Variants in ATP2B4 observed in about 807,000 individuals in gnomAD.
ATP2B4 encodes the protein ATPase plasma membrane Ca2+ transporting 4.
A neutral mutation model predicts 110.3 loss-of-function variants in ATP2B4; 39 were observed. The observed-to-expected ratio is 0.35, with a 90% CI of 0.27 to 0.46. The LOEUF (loss-of-function observed/expected upper bound fraction) is 0.46. Ranked by LOEUF, ATP2B4 falls within the 20% of genes least tolerant of loss-of-function variation. The pLI is 1.00. For missense variants in ATP2B4, 1,135 were observed against 1,530.9 expected (o/e 0.74, Z 4.32); for synonymous variants, 538 against 571.7 (o/e 0.94, Z 0.84).
chr1:203,638,001 G>T (rs1663509058), intron 1 of ATP2B4, among the ~76,000 whole-genome samples: 1 of 152,218 alleles, frequency 6.6e-6, no homozygotes, highest in Admixed American at 6.5e-5. Flanking sequence ...ATGGCTGGGG[G>T]CTGAAGGGGT....
At chr1:203,710,312 G>T (rs1423952447) in intron 11 of ATP2B4, among the ~76,000 whole-genome samples, 1 of 152,038 alleles carries the variant, frequency 6.6e-6, no homozygotes, top group Admixed American at 6.6e-5. Flanking sequence ...AGAGGTTGCA[G>T]TGAGCTGAGA....
intron 1 of ATP2B4, among the ~76,000 whole-genome samples, chr1:203,649,999 G>A (rs373649960): frequency 6.6e-6 from 1 of 152,142 alleles, no homozygotes; most frequent in African/African-American, 2.4e-5. Flanking sequence ...ACTTGTAGAC[G>A]CTGTAATAGC....
Position 203,660,806 on chromosome 1 carries a change from A to G in ATP2B4, c.-464-21936A>G, listed in dbSNP as rs367631711. 2.0e-5 allele frequency among the ~76,000 whole-genome samples: 3 copies of G among 151,516 alleles called. 1 individual carries two copies. In the South Asian group the frequency reaches 6.3e-4, roughly 32 times the overall value. On this transcript the variant is annotated intron_variant, in intron 1 of 20. Coordinates refer to ENST00000357681, the MANE Select transcript of ATP2B4 (RefSeq NM_001684.5). ...GTGAGACTCTGTCTCAAAAAAATAA[A>G]TAAATAAGAAGAAGAGCACAGGGAC...
At position 203,722,492 on chromosome 1, in the gene ATP2B4, G is replaced by A. The variant is rs1245862582; in HGVS notation, c.2827G>A (p.Asp943Asn). The A allele has an allele frequency of 6.2e-7, 1 of 1,613,486 alleles. No homozygotes were observed. The highest frequency in any genetic ancestry group is 8.5e-7 in the Non-Finnish European group (1 of 1,179,510). ...ILVFAGEKFF[D>N]IDSGRKAPLH... ...CTCCCCACTAGGTGAGAAATTCTTT[G>A]ATATTGATAGTGGGAGGAAGGCACC... The change falls in exon 18 of 21, where the codon GAT becomes AAT. Residue 943 changes from aspartate (D) to asparagine (N), a missense_variant. By Grantham distance (23) the Asp-to-Asn change is conservative (BLOSUM62 1). Transcript: ENST00000357681.
At chr1:203,727,120 G>A (rs1429085462) in intron 19 of ATP2B4, among the ~76,000 whole-genome samples, 2 of 152,226 alleles carry the variant, frequency 1.3e-5, no homozygotes, top group South Asian at 2.1e-4. Flanking sequence ...GGAAAATGAA[G>A]TATATGACCA....
chr1:203,695,752 T>A (rs1665515451), intron 2 of ATP2B4, among the ~76,000 whole-genome samples: 2 of 132,578 alleles, frequency 1.5e-5, no homozygotes, highest in Admixed American at 8.4e-5. Flanking sequence ...GACAGATGAG[T>A]ATCTTATGTA....
At chr1:203,672,082 C>T (rs904547971) in intron 1 of ATP2B4, among the ~76,000 whole-genome samples, 6 of 152,160 alleles carry the variant, frequency 3.9e-5, no homozygotes, top group Admixed American at 1.3e-4. Flanking sequence ...GTCTCTTATC[C>T]GTAATATAAG....
In ATP2B4 at chr1:203,732,606, G is replaced by C. The variant is rs531947120; in HGVS notation, c.3309+5035G>C. Among the ~76,000 whole-genome samples the C allele has an allele frequency of 3.3e-5, 5 of 152,120 alleles. No homozygotes were observed. In the South Asian group the frequency reaches 1.0e-3, roughly 32 times the overall value. On this transcript the variant is annotated intron_variant, in intron 20 of 20. Coordinates refer to ENST00000357681, the MANE Select transcript of ATP2B4 (RefSeq NM_001684.5). ...TTTAAACACATGAGTTATTTTCCTGGAAAATCCGCAAAAATACGTAGTCGG... is the reference window on the plus strand; with the variant it reads ...TTTAAACACATGAGTTATTTTCCTGCAAAATCCGCAAAAATACGTAGTCGG...
At position 203,722,169 on chromosome 1, in the gene ATP2B4, A is replaced by G. The variant is rs116335930; in HGVS notation, c.2813-309A>G. Among the ~76,000 whole-genome samples, 1,103 of 152,174 alleles carry G rather than the reference A, an allele frequency of 7.2e-3. 16 individuals carry two copies. Among genetic ancestry groups the G allele is most frequent in the African/African-American group, 0.024 (1,007 of 41,514 alleles). On this transcript the variant is annotated intron_variant, in intron 17 of 20. Transcript: ENST00000357681. ...GAACTAACATTTAAAATGTTTAATA[A>G]CTAGTACAACAAAAAATTAGCCAGG...
intron 1 of ATP2B4, among the ~76,000 whole-genome samples, chr1:203,660,631 C>T (rs1664310175): frequency 6.6e-6 from 1 of 151,880 alleles, no homozygotes; most frequent in Non-Finnish European, 1.5e-5. Context: ...GAAACCCCAT[C>T]TCTGCTGAAA....
At chr1:203,701,970 C>A in intron 6 of ATP2B4, 74 bp from the exon 7 acceptor site, 3 of 1,537,184 alleles carry the variant, frequency 2.0e-6, no homozygotes, top group South Asian at 2.3e-5. Context: ...GGGCTCTGAG[C>A]AGGACCAACA....
rs555196562 is a variant in ATP2B4, at chr1:203,723,450, C to T, written c.3025-431C>T. On this transcript the variant is annotated intron_variant, in intron 18 of 20. Coordinates refer to ENST00000357681, the MANE Select transcript of ATP2B4 (RefSeq NM_001684.5). ...TCTCTCTCTCTCTCTCTCTCTCTCT[C>T]TCTCTCTCTCCCTCTGCCTCTCTCT... Among the ~76,000 whole-genome samples, 86 of 138,672 alleles carry T rather than the reference C, an allele frequency of 6.2e-4. 1 individual carries two copies. Among genetic ancestry groups the T allele is most frequent in the African/African-American group, 2.4e-3 (85 of 35,970 alleles). The allele number at this position is 138,672 out of a possible 152,430, so 91.0% of individuals were successfully genotyped here. A position where few individuals can be genotyped will look rare whatever the true frequency, so the allele number is the denominator to read the frequency against.
chr1:203,699,755 A>C (rs1342436218), intron 4 of ATP2B4, 38 bp downstream of exon 4: 1 of 1,605,692 alleles, frequency 6.2e-7, no homozygotes, highest in African/African-American at 1.3e-5. Flanking sequence ...CCCCACCACC[A>C]CCCCCATTTA....
At chr1:203,696,228 A>G (rs575017947) in intron 2 of ATP2B4, among the ~76,000 whole-genome samples, 66 of 152,096 alleles carry the variant, frequency 4.3e-4, no homozygotes, top group African/African-American at 1.5e-3. Flanking sequence ...CGCCCGGCCC[A>G]CTCTTGGGTT....
At chr1:203,631,015 A>G (rs1663251688) in intron 1 of ATP2B4, among the ~76,000 whole-genome samples, 1 of 152,168 alleles carries the variant, frequency 6.6e-6, no homozygotes. Flanking sequence ...TCCTCTGTAC[A>G]TGTTAAAACA....
Position 203,743,918 on chromosome 1 carries a change from C to CTATA in ATP2B4, c.*4065_*4068dup, listed in dbSNP as rs1667040474. 1 of 152,516 alleles carries CTATA rather than the reference C, an allele frequency of 6.6e-6. No homozygotes were observed. The highest frequency in any genetic ancestry group is 2.1e-4 in the South Asian group (1 of 4,834). 9.4% of individuals were successfully genotyped at this position (152,516 alleles called of 1,614,324 possible). A position where few individuals can be genotyped will look rare whatever the true frequency, so the allele number is the denominator to read the frequency against. ...ATATGGTTCTTAGGGAAAAAAAATG[C>CTATA]TATAAACTGCAAATCTGAAATTCAA... is the stretch of plus-strand genomic sequence containing the variant. On this transcript the variant is annotated 3_prime_UTR_variant, in exon 21 of 21. Transcript: ENST00000357681.
chr1:203,695,078 G>A (rs1469567810), intron 2 of ATP2B4, among the ~76,000 whole-genome samples: 2 of 152,158 alleles, frequency 1.3e-5, no homozygotes, highest in Non-Finnish European at 2.9e-5. Flanking sequence ...TGCACCTTAT[G>A]ATCTTTAATA....
At chr1:203,703,164 CGAGAGA>C (rs144760902) in intron 7 of ATP2B4, among the ~76,000 whole-genome samples, 35,802 of 145,124 alleles carry the variant, frequency 0.25, 4,760 homozygotes, top group East Asian at 0.46. Flanking sequence ...CCCTGACAAT[CGAGAGA>C]GAGAGAGAGA....
In ATP2B4 at chr1:203,740,014, C is replaced by A; in HGVS notation, c.*160C>A. ...ACCTGACCATGAAGAGGCAAGAGCA[C>A]AGACTTACAAGGATTTCAACTTAAG... On this transcript the variant is annotated 3_prime_UTR_variant, in exon 21 of 21. Transcript: ENST00000357681. 1 of 805,500 alleles carries A rather than the reference C, an allele frequency of 1.2e-6. No homozygotes were observed. The highest frequency in any genetic ancestry group is 1.9e-6 in the Non-Finnish European group (1 of 526,330). 49.9% of individuals were successfully genotyped at this position (805,500 alleles called of 1,614,324 possible). A position where few individuals can be genotyped will look rare whatever the true frequency, so the allele number is the denominator to read the frequency against.
Sources: allele counts gnomAD v4.1 joint callset (sites outside exome capture counted in the v4.1 genomes callset), GRCh38; gene constraint gnomAD v4.1.1; transcripts MANE v1.5; gene names NCBI Gene and HGNC (gene_info 2026-07-23, HGNC 2026-07-21).